Variants in TGFA observed in about 807,000 individuals in gnomAD.
TGFA encodes protransforming growth factor alpha.
Under a neutral mutation model 21.7 loss-of-function variants are expected in TGFA, and 12 were observed. The observed-to-expected ratio is 0.55, with a 90% CI of 0.35 to 0.90. The LOEUF is 0.90. TGFA is among the 40% of genes least tolerant of loss of function. The pLI is 0.01. For synonymous variants in TGFA, 79 were observed against 88.1 expected (o/e 0.90, Z 0.58); for missense variants, 178 against 210.8 (o/e 0.84, Z 0.96).
intron 2 of TGFA, among the ~76,000 whole-genome samples, chr2:70,469,436 GC>G (rs1384857251): frequency 8.5e-5 from 13 of 152,142 alleles, no homozygotes; most frequent in Admixed American, 6.5e-5. Context: ...CTAGGCTCAA[GC>G]AATCCTCCCA....
At chr2:70,454,959 G>T (rs1382448092) in intron 4 of TGFA, among the ~76,000 whole-genome samples, 1 of 152,216 alleles carries the variant, frequency 6.6e-6, no homozygotes, top group African/African-American at 2.4e-5. Context: ...ACAGGACAAT[G>T]GAAGGATGGG....
At chr2:70,470,021 A>T (rs781961183) in intron 2 of TGFA, among the ~76,000 whole-genome samples, 11 of 152,098 alleles carry the variant, frequency 7.2e-5, no homozygotes, top group Admixed American at 1.3e-4. Flanking sequence ...TGCAAACGAG[A>T]AACAAGTGTG....
At chr2:70,459,766 C>T (rs145896322) in intron 3 of TGFA, among the ~76,000 whole-genome samples, 3 of 152,306 alleles carry the variant, frequency 2.0e-5, no homozygotes, top group Non-Finnish European at 4.4e-5. Context: ...AGCCCCAGCC[C>T]CTTAGGAAAG....
At chr2:70,483,633 C>T (rs1412246752) in intron 2 of TGFA, among the ~76,000 whole-genome samples, 4 of 152,180 alleles carry the variant, frequency 2.6e-5, no homozygotes, top group Non-Finnish European at 5.9e-5. Flanking sequence ...CCTTTTCTAC[C>T]TGCCACAAGA....
chr2:70,458,097 G>A (rs1293590616), intron 3 of TGFA, among the ~76,000 whole-genome samples: 1 of 152,054 alleles, frequency 6.6e-6, no homozygotes, highest in East Asian at 1.9e-4. Flanking sequence ...TGGGACAGGG[G>A]CAGGGTTTTT....
At chr2:70,522,624 G>A (rs1287304169) in intron 1 of TGFA, among the ~76,000 whole-genome samples, 3 of 152,006 alleles carry the variant, frequency 2.0e-5, no homozygotes, top group African/African-American at 4.8e-5. Flanking sequence ...TGGTACAGAC[G>A]AGGTTTCACC....
intron 2 of TGFA, among the ~76,000 whole-genome samples, chr2:70,507,606 A>G (rs1333217418): frequency 6.6e-6 from 1 of 152,234 alleles, no homozygotes; most frequent in Non-Finnish European, 1.5e-5. Flanking sequence ...ATTGTTCTGT[A>G]AAACAGATCC....
intron 3 of TGFA, 89 bp from the exon 4 acceptor site, chr2:70,456,577 G>C (rs1670236686): frequency 6.8e-7 from 1 of 1,464,906 alleles, no homozygotes; most frequent in African/African-American, 1.4e-5. Flanking sequence ...GAGGGACCCA[G>C]AGCCTGCAGG....
intron 2 of TGFA, among the ~76,000 whole-genome samples, chr2:70,484,467 A>T (rs1044094657): frequency 2.6e-5 from 4 of 152,178 alleles, no homozygotes; most frequent in Non-Finnish European, 4.4e-5. Context: ...CCATGTCATT[A>T]TTGAGCCTAT....
chr2:70,492,717 A>G (rs1553497875), intron 2 of TGFA, among the ~76,000 whole-genome samples: 1 of 152,150 alleles, frequency 6.6e-6, no homozygotes. Context: ...CCATATTCTC[A>G]TCTTTAACTT....
At chr2:70,551,527 A>G (rs1417329124) in intron 1 of TGFA, among the ~76,000 whole-genome samples, 1 of 152,222 alleles carries the variant, frequency 6.6e-6, no homozygotes, top group African/African-American at 2.4e-5. Context: ...ATTCTCCTGG[A>G]ACTGCCTTCA....
In TGFA at chr2:70,450,826, A is replaced by G. The variant is rs1670030675; in HGVS notation, c.*33T>C. On this transcript the variant is annotated 3_prime_UTR_variant, in exon 6 of 6. Coordinates refer to ENST00000295400, the MANE Select transcript of TGFA (RefSeq NM_003236.4). The stretch of plus-strand genomic sequence containing the variant: ...AAGCCTTTCTTTATTGATCTGCCAC[A>G]GTCCACCTGGCCAAACTCCTCCTCT... 1 of 1,608,098 alleles carries G rather than the reference A, an allele frequency of 6.2e-7. No individual in the cohort carries two copies. The highest frequency in any genetic ancestry group is 1.7e-4 in the Middle Eastern group (1 of 6,056).
At chr2:70,462,205 A>T (rs1670424344) in intron 3 of TGFA, among the ~76,000 whole-genome samples, 1 of 152,220 alleles carries the variant, frequency 6.6e-6, no homozygotes, top group African/African-American at 2.4e-5. Flanking sequence ...CTTTCTCTGC[A>T]TGCACTCAAG....
At chr2:70,481,901 GCAA>G (rs1425128083) in intron 2 of TGFA, among the ~76,000 whole-genome samples, 9 of 152,290 alleles carry the variant, frequency 5.9e-5, no homozygotes, top group African/African-American at 2.2e-4. Flanking sequence ...CATCTTGACA[GCAA>G]CCTCAATGAG....
At chr2:70,520,041 G>A (rs1388420128) in intron 1 of TGFA, among the ~76,000 whole-genome samples, 1 of 152,184 alleles carries the variant, frequency 6.6e-6, no homozygotes, top group East Asian at 1.9e-4. Flanking sequence ...CAAGGATTAA[G>A]TGAAACAAAA....
intron 2 of TGFA, among the ~76,000 whole-genome samples, chr2:70,504,433 AATATATAT>A (rs200901290): frequency 2.4e-4 from 15 of 62,442 alleles, no homozygotes; most frequent in East Asian, 1.0e-3. Context: ...AAACAAAACA[AATATATAT>A]ATATATATAT....
At position 70,447,350 on chromosome 2, in the gene TGFA, A is replaced by C. The variant is rs1553488870; in HGVS notation, c.*3509T>G. 1 of 152,678 alleles carries C rather than the reference A, an allele frequency of 6.5e-6. No individual in the cohort carries two copies. Among genetic ancestry groups the C allele is most frequent in the African/African-American group, 2.4e-5 (1 of 41,458 alleles). 9.5% of individuals were successfully genotyped at this position (152,678 alleles called of 1,614,324 possible). ...GTACAGTACAACTCAATAACAATGC[A>C]CATTACTGAAAAACACAATTGCGTC... On this transcript the variant is annotated 3_prime_UTR_variant, in exon 6 of 6. Coordinates refer to ENST00000295400, the MANE Select transcript of TGFA (RefSeq NM_003236.4).
chr2:70,498,501 A>G (rs1671641584), intron 2 of TGFA, among the ~76,000 whole-genome samples: 1 of 152,166 alleles, frequency 6.6e-6, no homozygotes, highest in East Asian at 1.9e-4. Context: ...GGCTGGAGAG[A>G]AAAAAATCAA....
chr2:70,450,782 T>C lies in TGFA; in HGVS notation c.*77A>G, dbSNP rs1193380277. Reference sequence around the variant, plus strand: ...GGTCTGTGGCACACCCAGGCATCTCTGGCAGTGCTGTCCTGAAGAAGCCTT... The same window carrying C: ...GGTCTGTGGCACACCCAGGCATCTCCGGCAGTGCTGTCCTGAAGAAGCCTT... On this transcript the variant is annotated 3_prime_UTR_variant, in exon 6 of 6. Coordinates refer to ENST00000295400, the MANE Select transcript of TGFA (RefSeq NM_003236.4). 6.5e-7 allele frequency: 1 copy of C among 1,539,686 alleles called. No homozygotes were observed. The highest frequency in any genetic ancestry group is 8.9e-7 in the Non-Finnish European group (1 of 1,124,922).
Sources: gnomAD v4.1 joint callset for allele counts (sites outside exome capture counted in the v4.1 genomes callset) on GRCh38, gnomAD v4.1.1 for gene constraint, MANE v1.5 for transcripts, NCBI Gene and HGNC (gene_info 2026-07-23, HGNC 2026-07-21) for gene names.